Variants in CDH7 observed in about 807,000 individuals in gnomAD.
CDH7 encodes the protein cadherin 7.
In CDH7, 25 loss-of-function variants were observed where a neutral mutation model predicts 71.8. The ratio of observed to expected loss-of-function variants is 0.35; its 90% confidence interval spans 0.25 to 0.49. The LOEUF (loss-of-function observed/expected upper bound fraction) is 0.49, where lower values mean the gene tolerates loss of function less well. CDH7 is among the 20% of genes least tolerant of loss of function. The pLI is 0.99. For synonymous variants in CDH7, 381 were observed against 363.8 expected, an observed-to-expected ratio of 1.05 and a Z score of -0.54; for missense variants, 862 against 974.6, an observed-to-expected ratio of 0.88 and a Z score of 1.54.
chr18:65,764,159 G>A (rs1301549057), intron 2 of CDH7, among the ~76,000 whole-genome samples: 1 of 151,904 alleles, frequency 6.6e-6, no homozygotes, highest in East Asian at 1.9e-4. Context: ...TGCATGGGTC[G>A]TTTTTTCGTT....
chr18:65,841,892 A>G (rs185648520), intron 6 of CDH7, among the ~76,000 whole-genome samples: 8 of 152,276 alleles, frequency 5.3e-5, no homozygotes, highest in Admixed American at 5.2e-4. Flanking sequence ...GATAATAAAC[A>G]AACAAAAAAT....
chr18:65,805,456 G>A (rs967533613), intron 2 of CDH7, among the ~76,000 whole-genome samples: 12 of 152,102 alleles, frequency 7.9e-5, no homozygotes, highest in African/African-American at 2.4e-4. Flanking sequence ...TAGAATTTTC[G>A]GTTAAATCCA....
intron 7 of CDH7, among the ~76,000 whole-genome samples, chr18:65,851,720 C>T (rs1384923362): frequency 6.6e-6 from 1 of 152,082 alleles, no homozygotes; most frequent in Non-Finnish European, 1.5e-5. Flanking sequence ...AGTGTTAGAT[C>T]TGAAAATGAG....
At position 65,824,256 on chromosome 18, in the gene CDH7, CTATTTT is replaced by C. The variant is rs374086852; in HGVS notation, c.794-382_794-377del. Among the ~76,000 whole-genome samples the C allele has an allele frequency of 2.7e-3, 415 of 151,550 alleles. 4 individuals carry two copies. The highest frequency in any genetic ancestry group is 9.5e-3 in the African/African-American group (393 of 41,420). The stretch of plus-strand genomic sequence containing the variant: ...TTGTCCATTTCAAGGCCAATCTATT[CTATTTT>C]TATTTCTTAGTATTTTACACATTAT... On this transcript the variant is annotated intron_variant, in intron 5 of 11. Coordinates refer to ENST00000397968, the MANE Select transcript of CDH7 (RefSeq NM_004361.5).
chr18:65,817,603 A>C (rs1911767125), intron 4 of CDH7, among the ~76,000 whole-genome samples: 1 of 152,202 alleles, frequency 6.6e-6, no homozygotes, highest in Non-Finnish European at 1.5e-5. Context: ...TTTTATCTTA[A>C]GTGTAAAACA....
intron 7 of CDH7, among the ~76,000 whole-genome samples, chr18:65,846,835 C>T (rs953672737): frequency 1.3e-5 from 2 of 152,016 alleles, no homozygotes; most frequent in African/African-American, 2.4e-5. Flanking sequence ...TGAATAAGAG[C>T]GAGAAAGTAA....
intron 3 of CDH7, among the ~76,000 whole-genome samples, chr18:65,811,972 T>C (rs569579639): frequency 0.013 from 1,751 of 134,808 alleles, 23 homozygotes; most frequent in African/African-American, 0.045. Context: ...TTTTCTTTTT[T>C]TTTTTTTTTT....
chr18:65,847,524 C>T (rs916016502), intron 7 of CDH7, among the ~76,000 whole-genome samples: 6 of 152,062 alleles, frequency 3.9e-5, no homozygotes, highest in Admixed American at 3.3e-4. Context: ...CCCAGCAAGG[C>T]GAAATTGATA....
chr18:65,876,072 G>T (rs17075388), intron 11 of CDH7, among the ~76,000 whole-genome samples: 1 of 151,980 alleles, frequency 6.6e-6, no homozygotes, highest in Admixed American at 6.6e-5. Context: ...ATTTCTCTGC[G>T]CCTGTGCATG....
chr18:65,861,421 A>AAAAGTTTATTAT, intron 10 of CDH7, among the ~76,000 whole-genome samples: 1 of 151,666 alleles, frequency 6.6e-6, no homozygotes, highest in South Asian at 2.1e-4. Context: ...TTTTGTATCA[A>AAAAGTTTATTAT]GTCATAAATG....
rs1914198728 is a variant in CDH7, at chr18:65,880,644, A to G, written c.2108A>G (p.Asp703Gly). The G allele has an allele frequency of 6.2e-7, 1 of 1,613,918 alleles. No individual in the cohort carries two copies. The highest frequency in any genetic ancestry group is 1.3e-5 in the African/African-American group (1 of 74,870). Residue 703 changes from aspartate to glycine, a missense_variant, in exon 12 of 12, where the codon GAT (aspartate) becomes GGT (glycine). Transcript: ENST00000397968. ...CGACCAGCTTTTAAAAGCATCCCAG[A>G]TAATGTCATCTTTAGGGAATTTATT... ...LSRPAFKSIP[D>G]NVIFREFIWE...
At chr18:65,839,673 G>A (rs907126782) in intron 6 of CDH7, among the ~76,000 whole-genome samples, 1 of 152,158 alleles carries the variant, frequency 6.6e-6, no homozygotes, top group Non-Finnish European at 1.5e-5. Context: ...AGGCGTTTAT[G>A]GAAATGCTTA....
chr18:65,760,633 T>C (rs1229655157), intron 1 of CDH7, among the ~76,000 whole-genome samples: 1 of 152,204 alleles, frequency 6.6e-6, no homozygotes, highest in Non-Finnish European at 1.5e-5. Context: ...GGAACTGTTC[T>C]ATGGCCACAG....
chr18:65,831,940 C>T (rs1599036976), intron 6 of CDH7, among the ~76,000 whole-genome samples: 1 of 152,192 alleles, frequency 6.6e-6, no homozygotes, highest in East Asian at 1.9e-4. Flanking sequence ...CTCCCAGTCC[C>T]TTCTCCGCAT....
In CDH7 at chr18:65,809,892, G is replaced by A. The variant is rs1386636639; in HGVS notation, c.399G>A (p.Val133=). ...TGGATAGGCTCACCAACAAACCCGTGGAGCCCGAGTCGGAGTTTGTCATCA... is the reference window on the plus strand; with the variant it reads ...TGGATAGGCTCACCAACAAACCCGTAGAGCCCGAGTCGGAGTTTGTCATCA... ...QALDRLTNKP[V]EPESEFVIKI... Residue 133 remains valine, a synonymous_variant, in exon 3 of 12, where the codon GTG becomes GTA. Transcript: ENST00000397968. 1 of 1,613,972 alleles carries A rather than the reference G, an allele frequency of 6.2e-7. No individual in the cohort carries two copies. Among genetic ancestry groups the A allele is most frequent in the Non-Finnish European group, 8.5e-7 (1 of 1,179,986 alleles).
intron 2 of CDH7, among the ~76,000 whole-genome samples, chr18:65,774,372 A>G (rs1428014270): frequency 6.6e-6 from 1 of 152,118 alleles, no homozygotes; most frequent in Non-Finnish European, 1.5e-5. Context: ...TTCTTAAAAA[A>G]TGTTAAATGA....
At chr18:65,792,755 G>A (rs1656818896) in intron 2 of CDH7, among the ~76,000 whole-genome samples, 1 of 152,236 alleles carries the variant, frequency 6.6e-6, no homozygotes, top group South Asian at 2.1e-4. Context: ...CATGCAGGCT[G>A]ATTCTGTTAG....
intron 6 of CDH7, among the ~76,000 whole-genome samples, chr18:65,831,975 T>C (rs1196886040): frequency 6.6e-6 from 1 of 152,122 alleles, no homozygotes; most frequent in Non-Finnish European, 1.5e-5. Context: ...AACCAGACAT[T>C]GCTCAGATGT....
chr18:65,851,346 A>G (rs1298765300), intron 7 of CDH7, among the ~76,000 whole-genome samples: 1 of 152,118 alleles, frequency 6.6e-6, no homozygotes, highest in Non-Finnish European at 1.5e-5. Context: ...ATCTATTTCA[A>G]TTGATGAAAT....
Sources: allele counts gnomAD v4.1 joint callset (sites outside exome capture counted in the v4.1 genomes callset), GRCh38; gene constraint gnomAD v4.1.1; transcripts MANE v1.5; gene names NCBI Gene and HGNC (gene_info 2026-07-23, HGNC 2026-07-21).